The following WDR26 variants were observed in gnomAD, a reference collection of about 807,000 sequenced individuals.
WDR26 encodes the protein WD repeat-containing protein 26.
Under a neutral mutation model 84.1 loss-of-function variants are expected in WDR26, and 5 were observed. The observed-to-expected ratio is 0.06, with a 90% CI of 0.03 to 0.13. WDR26 has a LOEUF of 0.13. Ranked by LOEUF, WDR26 falls within the 10% of genes least tolerant of loss-of-function variation. The pLI is 1.00. For synonymous variants in WDR26, 415 were observed against 389.6 expected, an observed-to-expected ratio of 1.07 and a Z score of -0.77; for missense variants, 642 against 974.9, an observed-to-expected ratio of 0.66 and a Z score of 4.55.
In WDR26 at chr1:224,404,573, G is replaced by T. The variant is rs1335192945; in HGVS notation, c.1459-3C>A. On this transcript the variant is annotated splice_polypyrimidine_tract_variant and splice_region_variant and intron_variant, in intron 7 of 13. Transcript: ENST00000414423. ...AGCAGTTTTAGCAGGTGTGTATCCT[G>T]GGAGGGAAAATAAACAATTCAGTTA... is the stretch of plus-strand genomic sequence containing the variant. 2 of 1,608,224 alleles carry T rather than the reference G, an allele frequency of 1.2e-6. No homozygotes were observed. Among genetic ancestry groups the T allele is most frequent in the Non-Finnish European group, 1.7e-6 (2 of 1,177,130 alleles).
intron 7 of WDR26, among the ~76,000 whole-genome samples, chr1:224,406,492 A>C (rs529980138): frequency 6.6e-6 from 1 of 152,332 alleles, no homozygotes; most frequent in East Asian, 1.9e-4. Flanking sequence ...TCCCCTCCTA[A>C]GAAATGTCAT....
intron 3 of WDR26, chr1:224,430,409 T>C (rs1022836489): frequency 1.3e-5 from 2 of 152,146 alleles, no homozygotes; most frequent in Non-Finnish European, 2.9e-5. Flanking sequence ...TCTTGCTTGT[T>C]TGCACCTTTA....
chr1:224,420,290 T>C (rs1479483406), intron 4 of WDR26, among the ~76,000 whole-genome samples: 1 of 152,200 alleles, frequency 6.6e-6, no homozygotes, highest in Non-Finnish European at 1.5e-5. Flanking sequence ...TTCTGGAGAA[T>C]ACATGAGGGG....
intron 7 of WDR26, among the ~76,000 whole-genome samples, chr1:224,407,441 T>C (rs1236783090): frequency 6.7e-6 from 1 of 148,950 alleles, no homozygotes; most frequent in African/African-American, 2.5e-5. Context: ...CTCTTAAATG[T>C]ACTTTTTTCT....
At chr1:224,412,680 GT>G (rs2102906473) in intron 6 of WDR26, among the ~76,000 whole-genome samples, 1 of 152,294 alleles carries the variant, frequency 6.6e-6, no homozygotes, top group South Asian at 2.1e-4. Flanking sequence ...AGAACTTTCT[GT>G]GACAGTGGAA....
At position 224,390,411 on chromosome 1, in the gene WDR26, G is replaced by A. The variant is rs189612075; in HGVS notation, c.2261-551C>T. On this transcript the variant is annotated intron_variant, in intron 13 of 13. Transcript: ENST00000414423. ...TTGGGATTATAAGGCACTGGCCACCGTGCCTAGCCTCAGAATCTCATACTT... is the reference window on the plus strand; with the variant it reads ...TTGGGATTATAAGGCACTGGCCACCATGCCTAGCCTCAGAATCTCATACTT... Among the ~76,000 whole-genome samples, 18 of 152,346 alleles carry A rather than the reference G, an allele frequency of 1.2e-4. No individual in the cohort carries two copies. The East Asian group carries it at 2.3e-3, about 20-fold the overall frequency.
At position 224,419,853 on chromosome 1, in the gene WDR26, T is replaced by C. The variant is rs140341894; in HGVS notation, c.1065-238A>G. On this transcript the variant is annotated intron_variant, in intron 4 of 13. Transcript: ENST00000414423. ...AACAAATTCTTATGTTATTGTTATA[T>C]ATTATATATATGGCTCTTATTGTGC... 5.8e-3 allele frequency among the ~76,000 whole-genome samples: 804 copies of C among 137,558 alleles called. 5 individuals carry two copies. The highest frequency in any genetic ancestry group is 0.021 in the African/African-American group (772 of 37,138). The allele number at this position is 137,558 out of a possible 152,430, so 90.2% of individuals were successfully genotyped here. A position where few individuals can be genotyped will look rare whatever the true frequency, so the allele number is the denominator to read the frequency against.
intron 1 of WDR26, among the ~76,000 whole-genome samples, chr1:224,433,001 A>T (rs752019127): frequency 1.5e-4 from 23 of 152,188 alleles, no homozygotes; most frequent in Non-Finnish European, 2.9e-4. Flanking sequence ...AGAGGCGATC[A>T]TCTTCTTGGT....
Position 224,410,836 on chromosome 1 carries a change from C to T in WDR26, c.1458+591G>A, listed in dbSNP as rs191424536. Among the ~76,000 whole-genome samples, 385 of 151,586 alleles carry T rather than the reference C, an allele frequency of 2.5e-3. 1 individual carries two copies. The highest frequency in any genetic ancestry group is 3.5e-3 in the Non-Finnish European group (236 of 67,936). ...ACTTCATCCTCTTGAATAGCTGGGA[C>T]GACTGGTGTGTACCATCATGCCTGG... On this transcript the variant is annotated intron_variant, in intron 7 of 13. Coordinates refer to ENST00000414423, the MANE Select transcript of WDR26 (RefSeq NM_001379403.1).
intron 4 of WDR26, 72 bp downstream of exon 4, chr1:224,424,446 T>G: frequency 6.4e-7 from 1 of 1,565,544 alleles, no homozygotes; most frequent in Non-Finnish European, 8.7e-7. Context: ...AGATTTTATA[T>G]TTTGGAAAAA....
intron 5 of WDR26, 25 bp downstream of exon 5, chr1:224,419,493 C>T: frequency 6.4e-7 from 1 of 1,551,558 alleles, no homozygotes; most frequent in Non-Finnish European, 8.9e-7. Context: ...GAAAACACAG[C>T]AACATAAAAA....
At chr1:224,409,436 T>C (rs1558428178) in intron 7 of WDR26, among the ~76,000 whole-genome samples, 1 of 152,204 alleles carries the variant, frequency 6.6e-6, no homozygotes, top group Admixed American at 6.5e-5. Context: ...GCCAAAGAGG[T>C]ACGTGGTACC....
chr1:224,433,659 C>A (rs1264673690), intron 1 of WDR26, 25 bp downstream of exon 1: 1 of 1,416,584 alleles, frequency 7.1e-7, no homozygotes. Context: ...CTGTCCATCA[C>A]CAGCTGGCGG....
intron 11 of WDR26, 23 bp downstream of exon 11, chr1:224,398,492 G>A (rs1381081758): frequency 6.4e-7 from 1 of 1,569,670 alleles, no homozygotes; most frequent in Non-Finnish European, 8.6e-7. Flanking sequence ...AAATTTTTCA[G>A]AAAATTATAC....
rs1672953520 is a variant in WDR26 at position 224,385,163 on chromosome 1, T to C, written c.*4672A>G. The C allele has an allele frequency of 6.6e-6, 1 of 152,200 alleles. No individual in the cohort carries two copies. Among genetic ancestry groups the C allele is most frequent in the Non-Finnish European group, 1.5e-5 (1 of 68,040 alleles). 9.4% of individuals were successfully genotyped at this position (152,200 alleles called of 1,614,324 possible). A position where few individuals can be genotyped will look rare whatever the true frequency, so the allele number is the denominator to read the frequency against. On this transcript the variant is annotated 3_prime_UTR_variant, in exon 14 of 14. Coordinates refer to ENST00000414423, the MANE Select transcript of WDR26 (RefSeq NM_001379403.1). ...AAGAATTATTTAGGTATTCATTCTG[T>C]TTATTGGATTGAAAGAAAGGGAATA...
chr1:224,401,687 A>AG (rs1344013401), intron 8 of WDR26, among the ~76,000 whole-genome samples: 23 of 114,214 alleles, frequency 2.0e-4, no homozygotes, highest in African/African-American at 6.2e-4. Flanking sequence ...AAAAAAAAAA[A>AG]AAGAAAAAAA....
chr1:224,425,492 C>T (rs776799581), intron 3 of WDR26, among the ~76,000 whole-genome samples: 5 of 152,226 alleles, frequency 3.3e-5, no homozygotes, highest in Admixed American at 6.5e-5. Context: ...GACACTTTCA[C>T]ATTTAGTTTT....
chr1:224,418,414 A>T lies in WDR26; in HGVS notation c.1165T>A (p.Tyr389Asn). Residue 389 changes from tyrosine to asparagine, a missense_variant and splice_region_variant, in exon 6 of 14, where the codon TAT becomes AAT. Physicochemically the swap from Tyr to Asn is moderately radical, Grantham distance 143. This residue lies in a region of WDR26 where 351 missense variants were observed against 672.8 expected (regional missense o/e 0.52). Transcript: ENST00000414423. ...GGAAGCATCACTGATGGTGGTAAAT[A>T]GGCTTTAATAGAAGATATTTTAAAA... The T allele has an allele frequency of 6.3e-7, 1 of 1,588,440 alleles. No homozygotes were observed. Among genetic ancestry groups the T allele is most frequent in the Non-Finnish European group, 8.5e-7 (1 of 1,172,784 alleles).
At chr1:224,400,053 C>T (rs1201340347) in intron 9 of WDR26, among the ~76,000 whole-genome samples, 2 of 152,158 alleles carry the variant, frequency 1.3e-5, no homozygotes, top group Non-Finnish European at 2.9e-5. Flanking sequence ...ATCTAGACTA[C>T]ACTGCAAGTA....
Sources: allele counts gnomAD v4.1 joint callset (sites outside exome capture counted in the v4.1 genomes callset), GRCh38; gene constraint gnomAD v4.1.1; regional missense constraint gnomAD v4.1.1; transcripts MANE v1.5; gene names NCBI Gene and HGNC (gene_info 2026-07-23, HGNC 2026-07-21).